The following DPY19L1 variants were observed in gnomAD, a reference collection of about 807,000 sequenced individuals.
The protein encoded by DPY19L1 is protein C-mannosyl-transferase DPY19L1.
Under a neutral mutation model 96.9 loss-of-function variants are expected in DPY19L1, and 35 were observed. That is an observed-to-expected ratio of 0.36 (90% CI 0.28 to 0.48). The LOEUF (loss-of-function observed/expected upper bound fraction) is 0.48, where lower values mean the gene tolerates loss of function less well. Ranked by LOEUF, DPY19L1 falls within the 20% of genes least tolerant of loss-of-function variation. The pLI is 0.99. For synonymous variants in DPY19L1, 205 were observed against 252.6 expected (o/e 0.81, Z 1.79); for missense variants, 521 against 777.9 (o/e 0.67, Z 3.93).
intron 6 of DPY19L1, among the ~76,000 whole-genome samples, chr7:34,998,148 G>C (rs1399306047): frequency 1.3e-5 from 2 of 152,214 alleles, no homozygotes; most frequent in African/African-American, 4.8e-5. Context: ...CAGAAAATTG[G>C]AAGATGAAGG....
chr7:35,017,784 T>G lies in DPY19L1; in HGVS notation c.411+98A>C, dbSNP rs1221029903. On this transcript the variant is annotated intron_variant, in intron 3 of 21. Transcript: ENST00000638088. The stretch of plus-strand genomic sequence containing the variant: ...GCTGTAGAAGGTGGAGCATCTACTC[T>G]TTCTACTTTGGAACATCTTGAAATT... The G allele has an allele frequency of 6.4e-6, 6 of 941,984 alleles. No individual in the cohort carries two copies. In the African/African-American group the frequency reaches 8.4e-5, roughly 13 times the overall value. 58.4% of individuals were successfully genotyped at this position (941,984 alleles called of 1,614,324 possible).
rs1331430404 is a variant in DPY19L1 at position 34,956,444 on chromosome 7, T to C, written c.1180-1077A>G. Among the ~76,000 whole-genome samples, 3 of 152,080 alleles carry C rather than the reference T, an allele frequency of 2.0e-5. No individual in the cohort carries two copies. The East Asian group carries it at 5.8e-4, about 29-fold the overall frequency. ...TGCTAATTTCTGTAGCTAAGTATAC[T>C]CAAGGCACAACCTGAAAAGGGTGGC... On this transcript the variant is annotated intron_variant, in intron 11 of 21. Coordinates refer to ENST00000638088, the MANE Select transcript of DPY19L1 (RefSeq NM_001366673.1).
chr7:34,931,354 G>C lies in DPY19L1; in HGVS notation c.*219C>G, dbSNP rs1425912602. 1.6e-5 allele frequency: 8 copies of C among 511,856 alleles called. No homozygotes were observed. Among genetic ancestry groups the C allele is most frequent in the Non-Finnish European group, 2.5e-5 (8 of 323,040 alleles). The allele number at this position is 511,856 out of a possible 1,614,324, so 31.7% of individuals were successfully genotyped here. The stretch of plus-strand genomic sequence containing the variant: ...GTCAAGTACAAGCATATACTCATTT[G>C]CATAGCAAATTTTAAAGGGTGCATT... On this transcript the variant is annotated 3_prime_UTR_variant, in exon 22 of 22. Transcript: ENST00000638088.
rs936863933 is a variant in DPY19L1 at position 35,027,269 on chromosome 7, G to GA, written c.299-8674dup. ...GTTGTCTCCATCCCTAGCACTTAAC[G>GA]ACCTTGAGTAGCTACCTACAGCTGT... is the stretch of plus-strand genomic sequence containing the variant. On this transcript the variant is annotated intron_variant, in intron 1 of 21. Transcript: ENST00000638088. 7.8e-4 allele frequency among the ~76,000 whole-genome samples: 118 copies of GA among 151,946 alleles called. 2 individuals carry two copies. The highest frequency in any genetic ancestry group is 1.2e-4 in the Non-Finnish European group (8 of 68,000).
chr7:34,949,594 T>A (rs1784227382), intron 14 of DPY19L1, among the ~76,000 whole-genome samples: 1 of 152,198 alleles, frequency 6.6e-6, no homozygotes, highest in Non-Finnish European at 1.5e-5. Context: ...TGTGTATTTC[T>A]AAATTATCAA....
At chr7:35,025,999 T>C (rs1392975485) in intron 1 of DPY19L1, among the ~76,000 whole-genome samples, 1 of 152,186 alleles carries the variant, frequency 6.6e-6, no homozygotes, top group African/African-American at 2.4e-5. Flanking sequence ...AACTCTGGTA[T>C]TGCATTAGAA....
intron 3 of DPY19L1, among the ~76,000 whole-genome samples, chr7:35,016,603 T>C (rs1785853751): frequency 1.3e-5 from 2 of 152,330 alleles, no homozygotes; most frequent in South Asian, 4.1e-4. Flanking sequence ...CCTAGGCTGA[T>C]GGCTAGGCTA....
At chr7:34,991,751 C>G (rs539692532) in intron 6 of DPY19L1, among the ~76,000 whole-genome samples, 1 of 152,216 alleles carries the variant, frequency 6.6e-6, no homozygotes, top group Non-Finnish European at 1.5e-5. Context: ...TTCCAAATCT[C>G]TCTCTCTAAC....
At chr7:34,959,935 A>T (rs867903328) in intron 10 of DPY19L1, among the ~76,000 whole-genome samples, 143 of 130,448 alleles carry the variant, frequency 1.1e-3, no homozygotes, top group Non-Finnish European at 9.8e-4. Flanking sequence ...TTATATATAT[A>T]TATATATATA....
At chr7:34,997,468 G>T (rs1357942503) in intron 6 of DPY19L1, among the ~76,000 whole-genome samples, 1 of 149,598 alleles carries the variant, frequency 6.7e-6, no homozygotes, top group Non-Finnish European at 1.5e-5. Flanking sequence ...AAATTAGCTG[G>T]GCGTGGTGCC....
intron 10 of DPY19L1, among the ~76,000 whole-genome samples, chr7:34,962,039 C>T (rs1295610538): frequency 6.6e-6 from 1 of 152,110 alleles, no homozygotes; most frequent in East Asian, 1.9e-4. Context: ...GACAGTTTGG[C>T]AATTTCCTAA....
At chr7:34,982,828 G>A (rs1361805158) in intron 7 of DPY19L1, among the ~76,000 whole-genome samples, 1 of 152,170 alleles carries the variant, frequency 6.6e-6, no homozygotes, top group Non-Finnish European at 1.5e-5. Flanking sequence ...GAGGAGTGGG[G>A]GAGAGTCAGA....
chr7:34,934,740 G>T (rs932198232), intron 21 of DPY19L1, among the ~76,000 whole-genome samples: 1 of 152,154 alleles, frequency 6.6e-6, no homozygotes, highest in Non-Finnish European at 1.5e-5. Flanking sequence ...TCACAATAGG[G>T]TTCATACTCC....
chr7:35,016,670 A>G (rs1358874650), intron 3 of DPY19L1, among the ~76,000 whole-genome samples: 1 of 152,244 alleles, frequency 6.6e-6, no homozygotes, highest in African/African-American at 2.4e-5. Context: ...ACATCACAGA[A>G]AGTGAGACAA....
chr7:34,968,836 A>T (rs541039496), intron 9 of DPY19L1, among the ~76,000 whole-genome samples: 7 of 149,980 alleles, frequency 4.7e-5, no homozygotes, highest in African/African-American at 1.5e-4. Context: ...TCAGTACAAT[A>T]AAAAAAAATA....
chr7:34,936,709 A>AT (rs1783875605), intron 21 of DPY19L1, among the ~76,000 whole-genome samples: 1 of 152,236 alleles, frequency 6.6e-6, no homozygotes. Context: ...ACAAAATAAC[A>AT]TTTTCTATAA....
rs565105698 is a variant in DPY19L1 at position 34,970,457 on chromosome 7, A to G, written c.915-925T>C. On this transcript the variant is annotated intron_variant, in intron 8 of 21. Coordinates refer to ENST00000638088, the MANE Select transcript of DPY19L1 (RefSeq NM_001366673.1). ...TTAAAAATGCAGATCAGCAGAGTGAAACAGAATATATATGACTATATCCTA... is the reference window on the plus strand; with the variant it reads ...TTAAAAATGCAGATCAGCAGAGTGAGACAGAATATATATGACTATATCCTA... Among the ~76,000 whole-genome samples the G allele has an allele frequency of 2.6e-5, 4 of 152,314 alleles. No homozygotes were observed. In the East Asian group the frequency reaches 5.8e-4, roughly 22 times the overall value.
intron 1 of DPY19L1, among the ~76,000 whole-genome samples, chr7:35,035,669 C>T (rs1391327318): frequency 3.9e-5 from 6 of 152,198 alleles, no homozygotes; most frequent in Non-Finnish European, 7.4e-5. Flanking sequence ...GTATCACCCA[C>T]ACCTTTTAGT....
At position 35,017,514 on chromosome 7, in the gene DPY19L1, A is replaced by AC. The variant is rs1785885300; in HGVS notation, c.411+367_411+368insG. Among the ~76,000 whole-genome samples, 4 of 128,196 alleles carry AC rather than the reference A, an allele frequency of 3.1e-5. 1 individual carries two copies. Among genetic ancestry groups the AC allele is most frequent in the Non-Finnish European group, 6.5e-5 (4 of 61,342 alleles). The allele number at this position is 128,196 out of a possible 152,430, so 84.1% of individuals were successfully genotyped here. ...GAGACTCCGTCTCAAAAAAAAAAAAAAAAAAAAATTAGCCGGGCATGGTGG... is the reference window on the plus strand; with the variant it reads ...GAGACTCCGTCTCAAAAAAAAAAAAACAAAAAAAATTAGCCGGGCATGGTGG... On this transcript the variant is annotated intron_variant, in intron 3 of 21. Coordinates refer to ENST00000638088, the MANE Select transcript of DPY19L1 (RefSeq NM_001366673.1).
Sources: allele counts gnomAD v4.1 joint callset (sites outside exome capture counted in the v4.1 genomes callset), GRCh38; gene constraint gnomAD v4.1.1; transcripts MANE v1.5; gene names NCBI Gene and HGNC (gene_info 2026-07-23, HGNC 2026-07-21).